Variants in ZNF385D observed in about 807,000 individuals in gnomAD.
The protein encoded by ZNF385D is zinc finger protein 659.
Under a neutral mutation model 35.8 loss-of-function variants are expected in ZNF385D, and 15 were observed. The ratio of observed to expected loss-of-function variants is 0.42; its 90% CI spans 0.28 to 0.64. The LOEUF (loss-of-function observed/expected upper bound fraction) is 0.64, where lower values mean the gene tolerates loss of function less well. Among genes scored for constraint, ZNF385D ranks in the 30% least tolerant of loss-of-function variants. The probability of loss-of-function intolerance (pLI) is 0.23; values close to 1 mark genes in which losing one functional copy is unlikely to be tolerated. For missense variants in ZNF385D, 474 were observed against 494.6 expected (o/e 0.96, Z 0.39); for synonymous variants, 212 against 186.8 (o/e 1.13, Z -1.10).
chr3:21,676,224 T>G (rs2066719203), intron 1 of ZNF385D, among the ~76,000 whole-genome samples: 1 of 152,112 alleles, frequency 6.6e-6, no homozygotes, highest in Admixed American at 6.6e-5. Flanking sequence ...TGTGAGTTCT[T>G]GGATTCCATT....
chr3:22,087,454 A>G (rs923925616), intron 3 of ZNF385D, among the ~76,000 whole-genome samples: 3 of 152,166 alleles, frequency 2.0e-5, no homozygotes, highest in African/African-American at 7.2e-5. Context: ...TCAAATTCTA[A>G]GAAGTGTCAC....
At chr3:22,039,514 C>G (rs1170611832) in intron 3 of ZNF385D, among the ~76,000 whole-genome samples, 1 of 152,034 alleles carries the variant, frequency 6.6e-6, no homozygotes, top group African/African-American at 2.4e-5. Context: ...AAAATGTAAC[C>G]TAAATCCTAG....
chr3:22,191,632 T>A (rs969079764), intron 2 of ZNF385D, among the ~76,000 whole-genome samples: 1 of 152,188 alleles, frequency 6.6e-6, no homozygotes, highest in African/African-American at 2.4e-5. Context: ...AGATCTATTG[T>A]CTTTAAATGT....
intron 1 of ZNF385D, among the ~76,000 whole-genome samples, chr3:21,680,601 T>TA (rs1350931435): frequency 6.6e-6 from 1 of 152,096 alleles, no homozygotes; most frequent in African/African-American, 2.4e-5. Context: ...GATGCTTTTT[T>TA]ATCAAAAGGT....
intron 5 of ZNF385D, 92 bp downstream of exon 5, chr3:21,436,878 A>G (rs1701576840): frequency 1.7e-6 from 2 of 1,193,280 alleles, no homozygotes; most frequent in African/African-American, 1.5e-5. Context: ...GTTTTCCTCC[A>G]CCCCTTTGTC....
chr3:22,006,952 C>T (rs1179201120), intron 3 of ZNF385D, among the ~76,000 whole-genome samples: 6 of 151,920 alleles, frequency 3.9e-5, no homozygotes, highest in African/African-American at 1.5e-4. Flanking sequence ...AAAAAAAAGT[C>T]ATTTAATATA....
intron 3 of ZNF385D, among the ~76,000 whole-genome samples, chr3:21,554,528 A>G (rs190488801): frequency 1.3e-5 from 2 of 152,326 alleles, no homozygotes; most frequent in Admixed American, 6.5e-5. Flanking sequence ...GCTTGAATTT[A>G]GACACTAACT....
In ZNF385D at chr3:22,353,945, T is replaced by C. The variant is rs573862361; in HGVS notation, c.106+18505A>G. On this transcript the variant is annotated intron_variant, in intron 2 of 5. Transcript: ENST00000494108. ...CACATTTCAGTGTTCCTCATTTTCC[T>C]TCTTATCCAATATAAATTCCATGGG... is the stretch of plus-strand genomic sequence containing the variant. Among the ~76,000 whole-genome samples, 15 of 152,236 alleles carry C rather than the reference T, an allele frequency of 9.9e-5. No individual in the cohort carries two copies. The South Asian group carries it at 1.2e-3, about 13-fold the overall frequency.
At chr3:21,939,340 C>T (rs369437605) in intron 3 of ZNF385D, among the ~76,000 whole-genome samples, 7 of 152,072 alleles carry the variant, frequency 4.6e-5, no homozygotes, top group East Asian at 3.9e-4. Context: ...TTTTAGGGAA[C>T]GTAAGGAATT....
chr3:22,159,933 G>A (rs913176278), intron 3 of ZNF385D, among the ~76,000 whole-genome samples: 8 of 151,932 alleles, frequency 5.3e-5, no homozygotes, highest in East Asian at 1.9e-4. Context: ...TGTGTCCCCA[G>A]CCAAAATCTC....
At chr3:22,286,747 A>G (rs1195357063) in intron 2 of ZNF385D, among the ~76,000 whole-genome samples, 1 of 152,140 alleles carries the variant, frequency 6.6e-6, no homozygotes, top group South Asian at 2.1e-4. Context: ...TTTGGTCAAA[A>G]AAGATACTTC....
intron 2 of ZNF385D, among the ~76,000 whole-genome samples, chr3:21,576,385 C>T (rs1359684484): frequency 6.6e-6 from 1 of 152,128 alleles, no homozygotes; most frequent in Non-Finnish European, 1.5e-5. Context: ...CCCTAATGTT[C>T]TATGGTAGCT....
At chr3:22,322,047 G>C (rs1466402098) in intron 2 of ZNF385D, among the ~76,000 whole-genome samples, 1 of 151,640 alleles carries the variant, frequency 6.6e-6, no homozygotes, top group Non-Finnish European at 1.5e-5. Context: ...TTTTTTTCTG[G>C]GGTTATTTAA....
intron 3 of ZNF385D, among the ~76,000 whole-genome samples, chr3:21,825,717 GTGTT>G (rs1350464729): frequency 6.6e-6 from 1 of 152,164 alleles, no homozygotes; most frequent in Non-Finnish European, 1.5e-5. Context: ...CTCTTTCTCT[GTGTT>G]TGTCTCTCTC....
At chr3:21,892,119 G>T (rs1698900826) in intron 3 of ZNF385D, among the ~76,000 whole-genome samples, 1 of 152,106 alleles carries the variant, frequency 6.6e-6, no homozygotes, top group Admixed American at 6.5e-5. Context: ...TCGTGGGATA[G>T]GAAGCATTCT....
chr3:21,733,916 T>C (rs2069127598), intron 1 of ZNF385D, among the ~76,000 whole-genome samples: 1 of 152,182 alleles, frequency 6.6e-6, no homozygotes, highest in Admixed American at 6.5e-5. Context: ...TGAGATTTAC[T>C]TTTTAATGTC....
At chr3:21,825,503 G>C (rs1194781038) in intron 3 of ZNF385D, among the ~76,000 whole-genome samples, 1 of 151,948 alleles carries the variant, frequency 6.6e-6, no homozygotes, top group East Asian at 1.9e-4. Flanking sequence ...TGTAGAGTTA[G>C]GTGGTTCCGG....
chr3:21,790,343 A>T (rs2125658474), intron 3 of ZNF385D, among the ~76,000 whole-genome samples: 1 of 152,290 alleles, frequency 6.6e-6, no homozygotes, highest in South Asian at 2.1e-4. Flanking sequence ...GGAAGAATGG[A>T]AAGATTGATC....
intron 3 of ZNF385D, among the ~76,000 whole-genome samples, chr3:22,151,092 C>T (rs1705200654): frequency 6.6e-6 from 1 of 152,136 alleles, no homozygotes; most frequent in Non-Finnish European, 1.5e-5. Context: ...TGATTTGTCT[C>T]AACTCTGGAT....
Sources: gnomAD v4.1 joint callset for allele counts (sites outside exome capture counted in the v4.1 genomes callset) on GRCh38, gnomAD v4.1.1 for gene constraint, MANE v1.5 for transcripts, NCBI Gene and HGNC (gene_info 2026-07-23, HGNC 2026-07-21) for gene names.